PLSCR4: variants seen among roughly 807,000 people sequenced by gnomAD.
PLSCR4 encodes the protein phospholipid scramblase 4.
In PLSCR4, 25 loss-of-function variants were observed where a neutral mutation model predicts 36.3. The ratio of observed to expected loss-of-function variants is 0.69; its 90% CI spans 0.50 to 0.96. The LOEUF is 0.96. Among genes scored for constraint, PLSCR4 ranks in the 40% least tolerant of loss-of-function variants. PLSCR4 has a pLI of 0.00. For synonymous variants in PLSCR4, 122 were observed against 132.9 expected (o/e 0.92, Z 0.56); for missense variants, 408 against 414.7 (o/e 0.98, Z 0.14).
chr3:146,196,614 A>T lies in PLSCR4; in HGVS notation c.786+18T>A, dbSNP rs1559896159. 6.2e-7 allele frequency: 1 copy of T among 1,612,468 alleles called. No homozygotes were observed. Among genetic ancestry groups the T allele is most frequent in the Non-Finnish European group, 8.5e-7 (1 of 1,178,648 alleles). On this transcript the variant is annotated intron_variant, in intron 7 of 8. Coordinates refer to ENST00000354952, the MANE Select transcript of PLSCR4 (RefSeq NM_020353.3). ...GAGTAGGAAAAATATCAGAAACACTATTTTTACATAGTTTCACCTCAAAAA... is the reference window on the plus strand; with the variant it reads ...GAGTAGGAAAAATATCAGAAACACTTTTTTTACATAGTTTCACCTCAAAAA...
chr3:146,215,266 T>C (rs1307947885), intron 3 of PLSCR4, among the ~76,000 whole-genome samples: 1 of 151,990 alleles, frequency 6.6e-6, no homozygotes, highest in Non-Finnish European at 1.5e-5. Context: ...ACTCACTTTA[T>C]ATTCAGTATT....
chr3:146,221,348 T>C (rs567470353), intron 2 of PLSCR4, among the ~76,000 whole-genome samples: 1 of 152,310 alleles, frequency 6.6e-6, no homozygotes, highest in South Asian at 2.1e-4. Flanking sequence ...CTAAAAAGAT[T>C]CACAACATAA....
chr3:146,211,883 T>C lies in PLSCR4; in HGVS notation c.119-5122A>G, dbSNP rs2903477. Among the ~76,000 whole-genome samples, 873 of 152,278 alleles carry C rather than the reference T, an allele frequency of 5.7e-3. 9 individuals are homozygous for C. Among genetic ancestry groups the C allele is most frequent in the African/African-American group, 0.02 (837 of 41,558 alleles). ...GCTACAGATGTTTGGGTTTATTTCT[T>C]AGACTCTCAATTCTATCTCATTGGT... On this transcript the variant is annotated intron_variant, in intron 3 of 8. Coordinates refer to ENST00000354952, the MANE Select transcript of PLSCR4 (RefSeq NM_020353.3).
chr3:146,225,887 G>A (rs1446362650), intron 1 of PLSCR4, among the ~76,000 whole-genome samples: 2 of 152,180 alleles, frequency 1.3e-5, no homozygotes, highest in East Asian at 3.9e-4. Context: ...GTGCAGTGGT[G>A]GGCTGAAGGG....
At chr3:146,197,817 C>A (rs1331908652) in intron 6 of PLSCR4, among the ~76,000 whole-genome samples, 2 of 152,022 alleles carry the variant, frequency 1.3e-5, no homozygotes, top group African/African-American at 4.8e-5. Context: ...AACAGGACTG[C>A]ACAGCTTCAT....
chr3:146,218,710 CTT>C (rs1344024777), intron 3 of PLSCR4, among the ~76,000 whole-genome samples: 1 of 152,068 alleles, frequency 6.6e-6, no homozygotes, highest in African/African-American at 2.4e-5. Context: ...ATATGTTTAA[CTT>C]TGTGTAACTA....
chr3:146,217,959 G>T (rs1256503703), intron 3 of PLSCR4, among the ~76,000 whole-genome samples: 3 of 152,144 alleles, frequency 2.0e-5, no homozygotes, highest in Non-Finnish European at 4.4e-5. Context: ...GGGTGACTGG[G>T]AGAGGAGAGA....
At chr3:146,213,056 T>C (rs775284725) in intron 3 of PLSCR4, among the ~76,000 whole-genome samples, 2 of 152,176 alleles carry the variant, frequency 1.3e-5, no homozygotes, top group Non-Finnish European at 2.9e-5. Context: ...AAACCAATCT[T>C]TTATCCATGG....
chr3:146,204,079 A>C (rs1487035463), intron 4 of PLSCR4, among the ~76,000 whole-genome samples: 1 of 152,028 alleles, frequency 6.6e-6, no homozygotes, highest in Non-Finnish European at 1.5e-5. Flanking sequence ...TAACTGGCCT[A>C]ATTTCAATAT....
chr3:146,202,612 T>C (rs193286424), intron 4 of PLSCR4, among the ~76,000 whole-genome samples: 22 of 152,128 alleles, frequency 1.4e-4, no homozygotes, highest in African/African-American at 5.3e-4. Flanking sequence ...TAACAAAAGA[T>C]AATGAAGTTT....
intron 1 of PLSCR4, among the ~76,000 whole-genome samples, chr3:146,228,087 G>A (rs1188336201): frequency 6.6e-6 from 1 of 152,056 alleles, no homozygotes; most frequent in Non-Finnish European, 1.5e-5. Context: ...CTGTTCTTAG[G>A]TTATCCTGTT....
chr3:146,238,688 T>G (rs758285118), intron 1 of PLSCR4, among the ~76,000 whole-genome samples: 2 of 152,082 alleles, frequency 1.3e-5, no homozygotes, highest in Non-Finnish European at 2.9e-5. Context: ...GCTAATGTCA[T>G]ACTCAACAGA....
intron 1 of PLSCR4, among the ~76,000 whole-genome samples, chr3:146,227,533 C>T (rs1263283139): frequency 6.6e-6 from 1 of 152,196 alleles, no homozygotes; most frequent in African/African-American, 2.4e-5. Context: ...CAGTGACAAA[C>T]TCTCAGAACC....
At chr3:146,234,331 C>G (rs1448285983) in intron 1 of PLSCR4, among the ~76,000 whole-genome samples, 1 of 151,934 alleles carries the variant, frequency 6.6e-6, no homozygotes, top group East Asian at 1.9e-4. Flanking sequence ...AATGAGCATC[C>G]CTAAAGCTCA....
At chr3:146,196,321 T>C (rs2033740805) in intron 7 of PLSCR4, 1 of 250,120 alleles carries the variant, frequency 4.0e-6, no homozygotes, top group South Asian at 6.4e-5. Context: ...AAAAAAATGG[T>C]TAATTACATA....
chr3:146,240,242 T>C (rs1183120774), intron 1 of PLSCR4, among the ~76,000 whole-genome samples: 2 of 152,168 alleles, frequency 1.3e-5, no homozygotes, highest in African/African-American at 4.8e-5. Context: ...AAAGAAGATA[T>C]ATGAATAGCC....
chr3:146,210,309 A>C (rs2108256343), intron 3 of PLSCR4, among the ~76,000 whole-genome samples: 1 of 152,262 alleles, frequency 6.6e-6, no homozygotes, highest in South Asian at 2.1e-4. Flanking sequence ...TTAAATAAAA[A>C]CAACTTTTTA....
At chr3:146,203,636 C>G (rs1421876943) in intron 4 of PLSCR4, among the ~76,000 whole-genome samples, 1 of 151,970 alleles carries the variant, frequency 6.6e-6, no homozygotes, top group African/African-American at 2.4e-5. Context: ...TTTTTTCCCC[C>G]CTTAAGCCTT....
At chr3:146,213,725 C>T (rs2034749025) in intron 3 of PLSCR4, among the ~76,000 whole-genome samples, 1 of 152,092 alleles carries the variant, frequency 6.6e-6, no homozygotes, top group African/African-American at 2.4e-5. Context: ...GTTAAGGTTT[C>T]TGTTTCTTCT....
Sources: gnomAD v4.1 joint callset for allele counts (sites outside exome capture counted in the v4.1 genomes callset) on GRCh38, gnomAD v4.1.1 for gene constraint, MANE v1.5 for transcripts, NCBI Gene and HGNC (gene_info 2026-07-23, HGNC 2026-07-21) for gene names.